Variants in GLIS3 observed in about 807,000 individuals in gnomAD.
GLIS3 encodes zinc finger protein GLIS3.
A neutral mutation model predicts 78.6 loss-of-function variants in GLIS3; 53 were observed. The observed-to-expected ratio is 0.67, with a 90% CI of 0.54 to 0.85. The LOEUF (loss-of-function observed/expected upper bound fraction) is 0.85, where lower values mean the gene tolerates loss of function less well. GLIS3 is among the 40% of genes least tolerant of loss of function. The pLI, the probability that GLIS3 is intolerant of heterozygous loss-of-function variation, is 0.00. For synonymous variants in GLIS3, 684 were observed against 509.9 expected (o/e 1.34, Z -4.60); for missense variants, 1,703 against 1,231.1 (o/e 1.38, Z -5.74).
chr9:4,283,090 C>G (rs1370589032), intron 2 of GLIS3, among the ~76,000 whole-genome samples: 1 of 37,094 alleles, frequency 2.7e-5, no homozygotes, highest in Non-Finnish European at 5.3e-5. Context: ...CGTGCACACA[C>G]AAACACATAC....
At chr9:3,943,274 T>C (rs994284351) in intron 4 of GLIS3, among the ~76,000 whole-genome samples, 1 of 152,222 alleles carries the variant, frequency 6.6e-6, no homozygotes, top group African/African-American at 2.4e-5. Context: ...GTTTTGAGGC[T>C]TTTAAAAAGT....
At chr9:4,335,364 G>C (rs1242442053) in intron 2 of GLIS3, among the ~76,000 whole-genome samples, 1 of 152,208 alleles carries the variant, frequency 6.6e-6, no homozygotes, top group African/African-American at 2.4e-5. Flanking sequence ...ATTGTAGACA[G>C]CTAAACCAAA....
At chr9:4,162,721 G>C (rs949258372) in intron 2 of GLIS3, among the ~76,000 whole-genome samples, 1 of 151,998 alleles carries the variant, frequency 6.6e-6, no homozygotes, top group Non-Finnish European at 1.5e-5. Flanking sequence ...GCTGGGCATA[G>C]TGGCACACAC....
chr9:3,945,200 T>G (rs893580840), intron 4 of GLIS3, among the ~76,000 whole-genome samples: 1 of 152,238 alleles, frequency 6.6e-6, no homozygotes, highest in Non-Finnish European at 1.5e-5. Flanking sequence ...AGTATTTGAT[T>G]TTCTGTGTAC....
At chr9:4,325,785 AT>A (rs1468044224) in intron 2 of GLIS3, among the ~76,000 whole-genome samples, 1 of 152,234 alleles carries the variant, frequency 6.6e-6, no homozygotes, top group African/African-American at 2.4e-5. Flanking sequence ...GGATAAAAAG[AT>A]ACATGAAATC....
rs535418662 is a variant in GLIS3 at position 3,925,596 on chromosome 9, C to T, written c.1983+6764G>A. 8.2e-5 allele frequency among the ~76,000 whole-genome samples: 12 copies of T among 146,344 alleles called. No individual in the cohort carries two copies. In the South Asian group the frequency reaches 2.2e-3, roughly 27 times the overall value. Reference sequence around the variant, plus strand: ...TGTGTCTACATGGTCAGTGTGTGTGCGTGTGCGCGCGTGTGTGTGTGTGTG... The same window carrying T: ...TGTGTCTACATGGTCAGTGTGTGTGTGTGTGCGCGCGTGTGTGTGTGTGTG... On this transcript the variant is annotated intron_variant, in intron 6 of 10. Transcript: ENST00000381971.
chr9:4,176,045 T>G (rs7021101), intron 2 of GLIS3, among the ~76,000 whole-genome samples: 2 of 152,188 alleles, frequency 1.3e-5, no homozygotes, highest in African/African-American at 4.8e-5. Context: ...ACTGCAAGTG[T>G]GCCAAATGAC....
At chr9:4,211,076 C>A (rs183340535) in intron 2 of GLIS3, among the ~76,000 whole-genome samples, 1 of 152,330 alleles carries the variant, frequency 6.6e-6, no homozygotes, top group African/African-American at 2.4e-5. Context: ...GCGCCCTCAA[C>A]AAGGCTAAAT....
intron 2 of GLIS3, among the ~76,000 whole-genome samples, chr9:4,343,577 G>A (rs749637682): frequency 2.0e-5 from 3 of 152,098 alleles, no homozygotes; most frequent in Non-Finnish European, 2.9e-5. Flanking sequence ...ATGCCTAAAG[G>A]AATATAAATC....
intron 2 of GLIS3, among the ~76,000 whole-genome samples, chr9:4,258,456 A>C (rs1800333586): frequency 6.6e-6 from 1 of 152,212 alleles, no homozygotes; most frequent in Non-Finnish European, 1.5e-5. Context: ...CTGGCCTGCT[A>C]GGAAGTGTTG....
At chr9:3,924,999 C>G (rs1190863179) in intron 6 of GLIS3, among the ~76,000 whole-genome samples, 5 of 152,152 alleles carry the variant, frequency 3.3e-5, no homozygotes, top group Non-Finnish European at 7.4e-5. Flanking sequence ...CATTAAAACA[C>G]CTGTCAGAGG....
At chr9:4,206,246 A>T (rs1330344208) in intron 2 of GLIS3, among the ~76,000 whole-genome samples, 1 of 152,244 alleles carries the variant, frequency 6.6e-6, no homozygotes, top group Non-Finnish European at 1.5e-5. Flanking sequence ...TTTATTGAAG[A>T]CATTTTAAAA....
At chr9:4,362,935 G>C in the GLIS3 span, among the ~76,000 whole-genome samples, 1 of 152,008 alleles carries the variant, frequency 6.6e-6, no homozygotes, top group Non-Finnish European at 1.5e-5. Flanking sequence ...AGATGAAGAA[G>C]GTAGCAAGGG....
chr9:4,321,351 G>A lies in GLIS3; in HGVS notation n.265-10823C>T, dbSNP rs1159805798. Among the ~76,000 whole-genome samples the A allele has an allele frequency of 2.3e-5, 3 of 128,104 alleles. 1 individual carries two copies. The highest frequency in any genetic ancestry group is 7.8e-5 in the Admixed American group (1 of 12,830). The allele number at this position is 128,104 out of a possible 152,430, so 84.0% of individuals were successfully genotyped here. ...GCAGGAGAATGGCGTGAACCCAGGAGGCGGAGCTTGCAGGGAGCCGAGATG... is the reference window on the plus strand; with the variant it reads ...GCAGGAGAATGGCGTGAACCCAGGAAGCGGAGCTTGCAGGGAGCCGAGATG... On this transcript the variant is annotated intron_variant and non_coding_transcript_variant, in intron 2 of 4. Transcript: ENST00000471664.
chr9:3,847,208 C>T (rs1033204904), intron 9 of GLIS3, among the ~76,000 whole-genome samples: 1 of 113,604 alleles, frequency 8.8e-6, no homozygotes, highest in Non-Finnish European at 2.0e-5. Context: ...TAAATAAATA[C>T]ATAAATAAAA....
the GLIS3 span, among the ~76,000 whole-genome samples, chr9:4,448,208 C>G: frequency 6.6e-6 from 1 of 152,228 alleles, no homozygotes; most frequent in Non-Finnish European, 1.5e-5. Flanking sequence ...ATAATCGGTT[C>G]TTTGCTAACT....
At chr9:4,340,312 G>A (rs1001713891) in intron 2 of GLIS3, among the ~76,000 whole-genome samples, 64 of 116,048 alleles carry the variant, frequency 5.5e-4, no homozygotes, top group African/African-American at 2.0e-3. Context: ...AAAAAAGTAT[G>A]TCATTTTCCT....
chr9:4,267,742 G>C (rs1029374634), intron 2 of GLIS3, among the ~76,000 whole-genome samples: 11 of 152,274 alleles, frequency 7.2e-5, no homozygotes, highest in Admixed American at 4.6e-4. Context: ...ATTTCATTCA[G>C]CTTCCTCATT....
chr9:4,070,039 A>C (rs1827456266), intron 4 of GLIS3, among the ~76,000 whole-genome samples: 1 of 152,004 alleles, frequency 6.6e-6, no homozygotes, highest in African/African-American at 2.4e-5. Flanking sequence ...GCCACAGTCC[A>C]TTTTGTCCAG....
Sources: allele counts gnomAD v4.1 joint callset (sites outside exome capture counted in the v4.1 genomes callset), GRCh38; gene constraint gnomAD v4.1.1; transcripts MANE v1.5; gene names NCBI Gene and HGNC (gene_info 2026-07-23, HGNC 2026-07-21).